Variants in SAMD12 observed in about 807,000 individuals in gnomAD.
SAMD12 encodes sterile alpha motif domain containing 12.
SAMD12 carries 9 observed loss-of-function variants against 15.0 expected under a neutral mutation model. The ratio of observed to expected loss-of-function variants is 0.60; its 90% CI spans 0.36 to 1.05. The LOEUF (loss-of-function observed/expected upper bound fraction) is 1.05. SAMD12 is among the 50% of genes least tolerant of loss of function. SAMD12 has a pLI of 0.01. For missense variants in SAMD12, 230 were observed against 234.2 expected (o/e 0.98, Z 0.12); for synonymous variants, 86 against 90.1 (o/e 0.96, Z 0.25).
At position 118,446,118 on chromosome 8, in the gene SAMD12, T is replaced by C. The variant is rs147094732; in HGVS notation, c.193-6157A>G. Among the ~76,000 whole-genome samples, 411 of 152,312 alleles carry C rather than the reference T, an allele frequency of 2.7e-3. 1 individual carries two copies. Among genetic ancestry groups the C allele is most frequent in the Non-Finnish European group, 4.1e-3 (278 of 68,010 alleles). On this transcript the variant is annotated intron_variant, in intron 2 of 3. Transcript: ENST00000314727. ...CATAATTTACATAAACAAAAGCTCT[T>C]TGAGGTTCTTAAAAACTTTTAAGAG...
At chr8:118,153,093 C>G in the SAMD12 span, among the ~76,000 whole-genome samples, 1 of 152,334 alleles carries the variant, frequency 6.6e-6, no homozygotes, top group African/African-American at 2.4e-5. Flanking sequence ...ATATTTTTCA[C>G]TTGGTGTCTG....
intron 4 of SAMD12, among the ~76,000 whole-genome samples, chr8:118,334,914 A>G (rs751464858): frequency 3.3e-5 from 5 of 152,280 alleles, no homozygotes; most frequent in South Asian, 2.1e-4. Flanking sequence ...TGAAGTTGCA[A>G]TCATTGCTCT....
At chr8:118,463,603 G>A (rs773841993) in intron 2 of SAMD12, among the ~76,000 whole-genome samples, 6 of 152,040 alleles carry the variant, frequency 3.9e-5, no homozygotes, top group Admixed American at 6.6e-5. Flanking sequence ...CTGATGAAGG[G>A]GAACAGAAAT....
At chr8:118,413,674 T>G (rs1350858701) in intron 3 of SAMD12, among the ~76,000 whole-genome samples, 2 of 152,174 alleles carry the variant, frequency 1.3e-5, no homozygotes, top group Non-Finnish European at 2.9e-5. Flanking sequence ...TGAAGACAAG[T>G]GTCTTGTGTC....
At chr8:118,234,920 G>A (rs948882511) in intron 4 of SAMD12, among the ~76,000 whole-genome samples, 27 of 151,992 alleles carry the variant, frequency 1.8e-4, no homozygotes, top group Admixed American at 5.9e-4. Flanking sequence ...AAGCAGAATT[G>A]ATTTTTATCC....
At chr8:118,176,347 T>C in the SAMD12 span, among the ~76,000 whole-genome samples, 3 of 152,082 alleles carry the variant, frequency 2.0e-5, no homozygotes, top group Non-Finnish European at 2.9e-5. Context: ...TGTTCTATCA[T>C]AAAGACACAT....
At chr8:118,253,621 A>G (rs571814261) in intron 4 of SAMD12, among the ~76,000 whole-genome samples, 1 of 152,298 alleles carries the variant, frequency 6.6e-6, no homozygotes, top group African/African-American at 2.4e-5. Flanking sequence ...GCTGCTGCTA[A>G]GATGAGGGCA....
intron 4 of SAMD12, among the ~76,000 whole-genome samples, chr8:118,258,334 A>G (rs955900803): frequency 1.3e-5 from 2 of 152,084 alleles, no homozygotes; most frequent in African/African-American, 4.8e-5. Context: ...CACTTTCCTC[A>G]TCTGGATTTC....
chr8:118,434,592 C>G (rs1822518601), intron 3 of SAMD12, among the ~76,000 whole-genome samples: 1 of 152,200 alleles, frequency 6.6e-6, no homozygotes, highest in Non-Finnish European at 1.5e-5. Flanking sequence ...AGATACTTGA[C>G]TGTGCATAAC....
At chr8:118,370,546 G>A (rs1383769628) in intron 4 of SAMD12, among the ~76,000 whole-genome samples, 4 of 152,076 alleles carry the variant, frequency 2.6e-5, no homozygotes, top group South Asian at 2.1e-4. Context: ...AACGTCAATC[G>A]ATGATAGACT....
At chr8:118,282,371 C>T (rs1170413021) in intron 4 of SAMD12, 3 of 456,036 alleles carry the variant, frequency 6.6e-6, no homozygotes, top group South Asian at 1.5e-5. Context: ...CTCGTATAGG[C>T]TGGTGTTGGT....
chr8:118,230,943 T>A (rs113511436), intron 4 of SAMD12, among the ~76,000 whole-genome samples: 67 of 152,240 alleles, frequency 4.4e-4, no homozygotes, highest in African/African-American at 1.6e-3. Flanking sequence ...AGCAGAGAAG[T>A]GATGACTTTT....
At chr8:118,439,714 A>T in intron 3 of SAMD12, 118 bp downstream of exon 3, 1 of 955,504 alleles carries the variant, frequency 1.0e-6, no homozygotes, top group South Asian at 1.5e-5. Flanking sequence ...CTTTGGAAGT[A>T]AACCCATGCC....
chr8:118,395,701 G>A (rs1820522284), intron 3 of SAMD12, among the ~76,000 whole-genome samples: 3 of 152,172 alleles, frequency 2.0e-5, no homozygotes, highest in Admixed American at 6.5e-5. Flanking sequence ...GCTCATGCCT[G>A]TAATCCTAGC....
chr8:118,321,704 G>A (rs1816294416), intron 4 of SAMD12, among the ~76,000 whole-genome samples: 2 of 152,152 alleles, frequency 1.3e-5, no homozygotes. Context: ...GCAGTGTGTA[G>A]GGGTAAACTT....
At chr8:118,454,643 C>T (rs1035620344) in intron 2 of SAMD12, among the ~76,000 whole-genome samples, 1 of 152,168 alleles carries the variant, frequency 6.6e-6, no homozygotes, top group Non-Finnish European at 1.5e-5. Context: ...ATACACATAA[C>T]ACAAAATTTA....
chr8:118,224,937 G>A (rs1035120887), intron 4 of SAMD12, among the ~76,000 whole-genome samples: 17 of 152,146 alleles, frequency 1.1e-4, no homozygotes, highest in African/African-American at 2.9e-4. Context: ...CACTAAAAAC[G>A]TTTTGGGTTT....
At chr8:118,523,333 A>T (rs955893124) in intron 2 of SAMD12, among the ~76,000 whole-genome samples, 1 of 152,136 alleles carries the variant, frequency 6.6e-6, no homozygotes, top group South Asian at 2.1e-4. Flanking sequence ...TAGCCCATGA[A>T]ATTGAAAGTA....
intron 4 of SAMD12, among the ~76,000 whole-genome samples, chr8:118,281,735 T>C (rs13275875): frequency 0.061 from 9,361 of 152,266 alleles, 423 homozygotes; most frequent in Non-Finnish European, 0.094. Flanking sequence ...GCCTCAGTCA[T>C]GGTCAAGTTA....
Sources: allele counts gnomAD v4.1 joint callset (sites outside exome capture counted in the v4.1 genomes callset), GRCh38; gene constraint gnomAD v4.1.1; transcripts MANE v1.5; gene names NCBI Gene and HGNC (gene_info 2026-07-23, HGNC 2026-07-21).